MED15: variants seen among roughly 807,000 people sequenced by gnomAD.
MED15 encodes the protein mediator complex subunit 15.
Under a neutral mutation model 118.7 loss-of-function variants are expected in MED15, and 41 were observed. That is an observed-to-expected ratio of 0.35 (90% CI 0.27 to 0.45). The LOEUF (loss-of-function observed/expected upper bound fraction) is 0.45, where lower values mean the gene tolerates loss of function less well. Among genes scored for constraint, MED15 ranks in the 20% least tolerant of loss-of-function variants. The pLI, the probability that MED15 is intolerant of heterozygous loss-of-function variation, is 1.00. For missense variants in MED15, 740 were observed against 1,025.5 expected (o/e 0.72, Z 3.80); for synonymous variants, 436 against 413.9 (o/e 1.05, Z -0.65).
chr22:20,580,896 C>T lies in MED15; in HGVS notation c.1273-1715C>T, dbSNP rs528216466. Among the ~76,000 whole-genome samples the T allele has an allele frequency of 7.2e-5, 11 of 152,334 alleles. No homozygotes were observed. The South Asian group carries it at 8.3e-4, about 11-fold the overall frequency. ...TTGCTAACCTTTGCGAGAATCACCG[C>T]GAGCCATTTTGCTCCATTAGGTAGA... On this transcript the variant is annotated intron_variant, in intron 9 of 17. Coordinates refer to ENST00000263205, the MANE Select transcript of MED15 (RefSeq NM_001003891.3).
chr22:20,542,794 T>C (rs1186368425), intron 2 of MED15, among the ~76,000 whole-genome samples: 1 of 152,248 alleles, frequency 6.6e-6, no homozygotes, highest in Non-Finnish European at 1.5e-5. Context: ...GTGGAACTTC[T>C]ACATATATGA....
At chr22:20,552,447 T>C (rs1373570720) in intron 3 of MED15, 3 of 347,660 alleles carry the variant, frequency 8.6e-6, no homozygotes, top group Non-Finnish European at 1.8e-5. Flanking sequence ...CTCTGTGGTG[T>C]TGGAAAGTCA....
intron 2 of MED15, among the ~76,000 whole-genome samples, chr22:20,538,562 T>A (rs1316501759): frequency 6.6e-6 from 1 of 152,196 alleles, no homozygotes; most frequent in Non-Finnish European, 1.5e-5. Context: ...CAACATTTTT[T>A]AAAGAAACTT....
intron 1 of MED15, among the ~76,000 whole-genome samples, chr22:20,521,448 G>T (rs1436142303): frequency 6.6e-6 from 1 of 150,844 alleles, no homozygotes; most frequent in Non-Finnish European, 1.5e-5. Context: ...CTAGGCTGGA[G>T]TACAGTGGCG....
chr22:20,553,296 G>T, intron 4 of MED15, 122 bp downstream of exon 4: 1 of 998,138 alleles, frequency 1.0e-6, no homozygotes. Context: ...TGCTTGCGGA[G>T]AGAACTCTGG....
At chr22:20,561,451 C>T (rs1049626792) in intron 5 of MED15, among the ~76,000 whole-genome samples, 1 of 150,870 alleles carries the variant, frequency 6.6e-6, no homozygotes, top group South Asian at 2.1e-4. Context: ...ACCCGGGAGG[C>T]GGAGGTTGCA....
At chr22:20,573,520 G>A (rs1172805440) in intron 8 of MED15, among the ~76,000 whole-genome samples, 1 of 152,126 alleles carries the variant, frequency 6.6e-6, no homozygotes, top group African/African-American at 2.4e-5. Flanking sequence ...CTGGGGGTGG[G>A]GGAGAGGTTT....
chr22:20,560,689 C>T (rs1186812672), intron 5 of MED15, among the ~76,000 whole-genome samples: 2 of 152,202 alleles, frequency 1.3e-5, no homozygotes, highest in Non-Finnish European at 2.9e-5. Context: ...AGCCACAGCA[C>T]CCAACCCCAG....
chr22:20,566,877 T>C, intron 7 of MED15, 60 bp downstream of exon 7: 1 of 1,584,124 alleles, frequency 6.3e-7, no homozygotes, highest in Non-Finnish European at 8.6e-7. Flanking sequence ...AGCAGTAGTT[T>C]CTAGGCTCTT....
rs751400763 is a variant in MED15 at position 20,564,609 on chromosome 22, TGCAGCAGCAGCAGCAGCTCCA to T, written c.629_649del (p.Leu210_Gln216del). 9.3e-5 allele frequency: 150 copies of T among 1,607,910 alleles called. No homozygotes were observed. The highest frequency in any genetic ancestry group is 1.1e-4 in the Non-Finnish European group (134 of 1,176,046). The stretch of plus-strand genomic sequence containing the variant: ...ATGCAGCAGCAGTTCCAAGCAGTAG[TGCAGCAGCAGCAGCAGCTCCA>T]GCAGCAGCAGCAGCAGCAGCAGCAT... On this transcript the variant is annotated inframe_deletion, in exon 6 of 18. Coordinates refer to ENST00000263205, the MANE Select transcript of MED15 (RefSeq NM_001003891.3).
intron 2 of MED15, among the ~76,000 whole-genome samples, chr22:20,540,287 T>TC (rs2055245437): frequency 1.3e-5 from 2 of 152,202 alleles, no homozygotes; most frequent in South Asian, 4.1e-4. Flanking sequence ...AGGCAGCCTT[T>TC]CCATTTTGTG....
intron 1 of MED15, among the ~76,000 whole-genome samples, chr22:20,528,169 G>A (rs1390807481): frequency 2.0e-5 from 3 of 152,080 alleles, no homozygotes; most frequent in Non-Finnish European, 4.4e-5. Context: ...CCCTTGGCTG[G>A]TTGCTCACTC....
intron 10 of MED15, 24 bp from the exon 11 acceptor site, chr22:20,582,816 C>A: frequency 6.2e-7 from 1 of 1,607,836 alleles, no homozygotes; most frequent in Non-Finnish European, 8.5e-7. Context: ...CCCCGGCTCA[C>A]ATGTTTCTCT....
In MED15 at chr22:20,519,449, T is replaced by C. The variant is rs551074784; in HGVS notation, c.68+11703T>C. On this transcript the variant is annotated intron_variant, in intron 1 of 17. Transcript: ENST00000263205. ...TTATTTTGAGGGTGTTTTTTTTTTTTTTTCTTGAGACAGTCTTGCTCTGTT... is the reference window on the plus strand; with the variant it reads ...TTATTTTGAGGGTGTTTTTTTTTTTCTTTCTTGAGACAGTCTTGCTCTGTT... Among the ~76,000 whole-genome samples the C allele has an allele frequency of 2.0e-5, 3 of 151,672 alleles. No individual in the cohort carries two copies. The South Asian group carries it at 6.3e-4, about 32-fold the overall frequency.
intron 1 of MED15, among the ~76,000 whole-genome samples, chr22:20,519,656 T>TCTCTA (rs1210234548): frequency 6.6e-6 from 1 of 152,076 alleles, no homozygotes; most frequent in African/African-American, 2.4e-5. Flanking sequence ...GGCTTCACCA[T>TCTCTA]ATTGGCCAAG....
chr22:20,546,314 A>G (rs2146492004), intron 2 of MED15, among the ~76,000 whole-genome samples: 2 of 152,208 alleles, frequency 1.3e-5, no homozygotes, highest in South Asian at 2.1e-4. Context: ...TAGCAAAAAT[A>G]TATCCGAAGT....
chr22:20,560,597 TG>T (rs780247529), intron 5 of MED15, among the ~76,000 whole-genome samples: 1 of 152,178 alleles, frequency 6.6e-6, no homozygotes, highest in African/African-American at 2.4e-5. Flanking sequence ...GGTCTCCTTA[TG>T]TTGCCCAGGC....
At chr22:20,530,862 C>T (rs1269462032) in intron 1 of MED15, among the ~76,000 whole-genome samples, 1 of 152,112 alleles carries the variant, frequency 6.6e-6, no homozygotes, top group African/African-American at 2.4e-5. Context: ...ATTGGGCCAT[C>T]GTCTGCTGAG....
At chr22:20,583,989 TTGTC>T in intron 13 of MED15, 1 of 290,334 alleles carries the variant, frequency 3.4e-6, no homozygotes, top group Non-Finnish European at 6.6e-6. Flanking sequence ...TCTGTTCTGC[TTGTC>T]TGGATAGAAT....
Sources: allele counts gnomAD v4.1 joint callset (sites outside exome capture counted in the v4.1 genomes callset), GRCh38; gene constraint gnomAD v4.1.1; transcripts MANE v1.5; gene names NCBI Gene and HGNC (gene_info 2026-07-23, HGNC 2026-07-21).